Variants in EMCN observed in about 807,000 individuals in gnomAD.
EMCN encodes endomucin.
In EMCN, 37 loss-of-function variants were observed where a neutral mutation model predicts 38.4. The ratio of observed to expected loss-of-function variants is 0.96; its 90% confidence interval spans 0.74 to 1.27. The LOEUF is 1.27. EMCN is among the 50% of genes most tolerant of loss of function. The probability of loss-of-function intolerance (pLI) is 0.00; values close to 1 mark genes in which losing one functional copy is unlikely to be tolerated. For synonymous variants in EMCN, 95 were observed against 100.8 expected (o/e 0.94, Z 0.35); for missense variants, 318 against 302.8 (o/e 1.05, Z -0.37).
chr4:100,485,154 A>G (rs904774800), intron 1 of EMCN, among the ~76,000 whole-genome samples: 1 of 152,184 alleles, frequency 6.6e-6, no homozygotes, highest in Non-Finnish European at 1.5e-5. Flanking sequence ...TAATGTCATA[A>G]CCTAGACCAA....
intron 4 of EMCN, among the ~76,000 whole-genome samples, chr4:100,464,853 C>A (rs1443200673): frequency 1.3e-5 from 2 of 151,728 alleles, no homozygotes; most frequent in Non-Finnish European, 2.9e-5. Context: ...TCATTCTTTT[C>A]TTGCTTTGGT....
chr4:100,493,060 C>T (rs1374272378), intron 1 of EMCN, among the ~76,000 whole-genome samples: 1 of 152,112 alleles, frequency 6.6e-6, no homozygotes, highest in Non-Finnish European at 1.5e-5. Flanking sequence ...ATGTTTATAA[C>T]TCAATGATAT....
chr4:100,416,017 G>C, intron 9 of EMCN, 58 bp from the exon 10 acceptor site: 3 of 1,146,352 alleles, frequency 2.6e-6, no homozygotes, highest in Non-Finnish European at 3.8e-6. Context: ...GTATGTTTGT[G>C]AAAGTATTGT....
chr4:100,517,975 C>T lies in EMCN; in HGVS notation c.-61G>A, dbSNP rs1729803858. On this transcript the variant is annotated 5_prime_UTR_variant, in exon 1 of 12. Coordinates refer to ENST00000296420, the MANE Select transcript of EMCN (RefSeq NM_016242.4). ...AGAAGCAGGCAGGGACAATTCCCTC[C>T]CAGCCTGGCAGGGCCTTATTAGCAA... 6.4e-6 allele frequency: 10 copies of T among 1,555,172 alleles called. No individual in the cohort carries two copies. The Admixed American group carries it at 1.5e-4, about 23-fold the overall frequency.
rs1394316875 is a variant in EMCN, at chr4:100,494,861, T to G, written c.65-14822A>C. On this transcript the variant is annotated intron_variant, in intron 1 of 11. Coordinates refer to ENST00000296420, the MANE Select transcript of EMCN (RefSeq NM_016242.4). ...AGAAAAAATGAAGCATCCAAAGGAC[T>G]TTTAAGAACAAAAATATCTAAAACT... 3.3e-5 allele frequency among the ~76,000 whole-genome samples: 5 copies of G among 152,114 alleles called. No individual in the cohort carries two copies. In the East Asian group the frequency reaches 9.7e-4, roughly 29 times the overall value.
intron 1 of EMCN, among the ~76,000 whole-genome samples, chr4:100,486,162 GA>G (rs1157458354): frequency 2.0e-5 from 3 of 152,246 alleles, no homozygotes; most frequent in Middle Eastern, 3.4e-3. Flanking sequence ...AATATTAAGT[GA>G]AATCAAAGTG....
intron 1 of EMCN, among the ~76,000 whole-genome samples, chr4:100,496,339 G>C (rs990918565): frequency 2.0e-5 from 3 of 152,116 alleles, no homozygotes; most frequent in African/African-American, 7.2e-5. Context: ...GTCGATTTTA[G>C]CAGCCTTCTA....
At chr4:100,402,044 A>G (rs1447493717) in intron 11 of EMCN, among the ~76,000 whole-genome samples, 3 of 152,164 alleles carry the variant, frequency 2.0e-5, no homozygotes, top group African/African-American at 7.2e-5. Flanking sequence ...TTTACTCATT[A>G]TATAATGTCA....
At chr4:100,419,808 T>A (rs1444798257) in intron 8 of EMCN, among the ~76,000 whole-genome samples, 1 of 152,050 alleles carries the variant, frequency 6.6e-6, no homozygotes, top group Admixed American at 6.6e-5. Context: ...CATTGATTTG[T>A]TTTTACTTTT....
chr4:100,444,388 A>G (rs72923858), intron 5 of EMCN, among the ~76,000 whole-genome samples: 7,032 of 152,214 alleles, frequency 0.046, 574 homozygotes, highest in African/African-American at 0.16. Context: ...TGTGGGTAGC[A>G]TGCTGTCTTA....
At chr4:100,507,254 T>C (rs1244211833) in intron 1 of EMCN, among the ~76,000 whole-genome samples, 1 of 152,182 alleles carries the variant, frequency 6.6e-6, no homozygotes, top group African/African-American at 2.4e-5. Context: ...GCGAGGAGAT[T>C]GTCAAACAAA....
intron 1 of EMCN, among the ~76,000 whole-genome samples, chr4:100,495,803 A>G (rs1323287869): frequency 1.3e-5 from 2 of 152,094 alleles, no homozygotes; most frequent in Non-Finnish European, 2.9e-5. Context: ...CTACTAATGC[A>G]GTACTTGATT....
intron 5 of EMCN, among the ~76,000 whole-genome samples, chr4:100,437,115 A>C (rs1583306): frequency 1 from 151,647 of 152,318 alleles, 75,491 homozygotes; most frequent in Middle Eastern, 1. Context: ...TTGATAATAT[A>C]CACCCTAATG....
intron 3 of EMCN, among the ~76,000 whole-genome samples, chr4:100,470,153 G>A (rs941785327): frequency 2.0e-5 from 3 of 151,812 alleles, no homozygotes; most frequent in Non-Finnish European, 4.4e-5. Context: ...TCCAACAAAA[G>A]TCTAATATTC....
At chr4:100,424,631 G>A (rs1726993420) in intron 5 of EMCN, among the ~76,000 whole-genome samples, 1 of 152,202 alleles carries the variant, frequency 6.6e-6, no homozygotes, top group African/African-American at 2.4e-5. Flanking sequence ...AGAGATCTGT[G>A]GGTGGAAGCT....
chr4:100,444,824 G>A (rs995452959), intron 5 of EMCN, among the ~76,000 whole-genome samples: 2 of 152,056 alleles, frequency 1.3e-5, no homozygotes, highest in African/African-American at 4.8e-5. Flanking sequence ...GAAGAGGAGG[G>A]AGGGCCACAG....
At chr4:100,401,285 A>G (rs1405367015) in intron 11 of EMCN, among the ~76,000 whole-genome samples, 2 of 152,328 alleles carry the variant, frequency 1.3e-5, no homozygotes, top group East Asian at 3.9e-4. Context: ...TGAACAATAC[A>G]TTAATAAAAA....
At chr4:100,403,415 G>A (rs561969809) in intron 11 of EMCN, among the ~76,000 whole-genome samples, 6 of 150,638 alleles carry the variant, frequency 4.0e-5, no homozygotes, top group East Asian at 3.9e-4. Context: ...CAGTGTATGC[G>A]TACCACATTT....
At chr4:100,437,624 A>G (rs1727393759) in intron 5 of EMCN, among the ~76,000 whole-genome samples, 2 of 152,092 alleles carry the variant, frequency 1.3e-5, no homozygotes. Flanking sequence ...TTACGTGTAG[A>G]AATCCAGTTT....
Sources: allele counts gnomAD v4.1 joint callset (sites outside exome capture counted in the v4.1 genomes callset), GRCh38; gene constraint gnomAD v4.1.1; transcripts MANE v1.5; gene names NCBI Gene and HGNC (gene_info 2026-07-23, HGNC 2026-07-21).